The following PRX variants were observed in gnomAD, a reference collection of about 807,000 sequenced individuals.
PRX encodes periaxin.
Under a neutral mutation model 29.6 loss-of-function variants are expected in PRX, and 24 were observed. That is an observed-to-expected ratio of 0.81 (90% CI 0.59 to 1.14). PRX has a LOEUF of 1.14. Among genes scored for constraint, PRX ranks in the 50% most tolerant of loss-of-function variants. The pLI is 0.00. For synonymous variants in PRX, 772 were observed against 831.7 expected, an observed-to-expected ratio of 0.93 and a Z score of 1.24; for missense variants, 1,838 against 1,926.4, an observed-to-expected ratio of 0.95 and a Z score of 0.86.
Position 40,399,686 on chromosome 19 carries a change from A to G in PRX, c.185-870T>C, listed in dbSNP as rs532356508. 6.6e-5 allele frequency among the ~76,000 whole-genome samples: 10 copies of G among 152,202 alleles called. No homozygotes were observed. In the South Asian group the frequency reaches 1.9e-3, roughly 28 times the overall value. The stretch of plus-strand genomic sequence containing the variant: ...CTCTGGGAGTTCCTTGTCAGTCTCC[A>G]TAGATGTTTGCTTTCCCTCTCCCTG... On this transcript the variant is annotated intron_variant, in intron 5 of 6. Transcript: ENST00000324001.
chr19:40,410,862 C>T (rs1301779353), intron 1 of PRX, among the ~76,000 whole-genome samples: 1 of 152,126 alleles, frequency 6.6e-6, no homozygotes, highest in Non-Finnish European at 1.5e-5. Flanking sequence ...TAGAGCGAGA[C>T]TCCATCTCAA....
At position 40,398,027 on chromosome 19, in the gene PRX, C is replaced by A; in HGVS notation, c.382-57G>T. 6.4e-7 allele frequency: 1 copy of A among 1,554,614 alleles called. No individual in the cohort carries two copies. Among genetic ancestry groups the A allele is most frequent in the Non-Finnish European group, 8.7e-7 (1 of 1,149,872 alleles). ...GGGACAGTGGGAGGCTGGGAGTGGA[C>A]AGGAAGAGCCCCACCTGGTATTGGA... On this transcript the variant is annotated intron_variant, in intron 6 of 6. Transcript: ENST00000324001. This position sits in a 1 kb window ranked among gnomAD's most constrained non-coding sequence, Gnocchi z 6.3.
Position 40,403,724 on chromosome 19 carries a change from T to C in PRX, c.166A>G (p.Ser56Gly). 1.3e-6 allele frequency: 2 copies of C among 1,562,986 alleles called. No individual in the cohort carries two copies. The highest frequency in any genetic ancestry group is 1.7e-6 in the Non-Finnish European group (2 of 1,154,580). The change falls in exon 5 of 7, where the codon AGC becomes GGC. Residue 56 changes from serine (S) to glycine (G), a missense_variant. Physicochemically the swap from Ser to Gly is moderately conservative, Grantham distance 56. Coordinates refer to ENST00000324001, the MANE Select transcript of PRX (RefSeq NM_181882.3). ...CGCCCACCTTCCTGCAGGCTGAGGC[T>C]CCTGGCGGCGGGTGAGTCCTCGCGC... ...ELREDSPAAR[S>G]LSLQEGDQLL...
At chr19:40,413,613 G>T (rs1477487878), upstream of PRX, among the ~76,000 whole-genome samples, 1 of 152,158 alleles carries the variant, frequency 6.6e-6, no homozygotes, top group Non-Finnish European at 1.5e-5. Flanking sequence ...TCAAGGATTT[G>T]CACGTTGGCT....
Position 40,406,076 on chromosome 19 carries a change from A to G in PRX, c.27+1830T>C, listed in dbSNP as rs544367611. Among the ~76,000 whole-genome samples, 12 of 151,718 alleles carry G rather than the reference A, an allele frequency of 7.9e-5. No individual in the cohort carries two copies. In the East Asian group the frequency reaches 1.6e-3, roughly 20 times the overall value. Reference sequence around the variant, plus strand: ...AGCCTGGCCAACATGGCGAAACTCCATCTCTACTAAAAGTCCTAAAATTAG... The same window carrying G: ...AGCCTGGCCAACATGGCGAAACTCCGTCTCTACTAAAAGTCCTAAAATTAG... On this transcript the variant is annotated intron_variant, in intron 4 of 6. Transcript: ENST00000324001.
chr19:40,401,457 G>A (rs1374485148), intron 5 of PRX, among the ~76,000 whole-genome samples: 1 of 152,058 alleles, frequency 6.6e-6, no homozygotes, highest in East Asian at 1.9e-4. Context: ...CCAATGCTTG[G>A]CCATACTCTA....
chr19:40,407,242 G>GTGTT (rs2079535802), intron 4 of PRX, among the ~76,000 whole-genome samples: 1 of 150,464 alleles, frequency 6.6e-6, no homozygotes, highest in Non-Finnish European at 1.5e-5. Flanking sequence ...GTGTGTGTGT[G>GTGTT]TGTGTGTGTG....
At position 40,398,428 on chromosome 19, in the gene PRX, G is replaced by A; in HGVS notation, c.381+192C>T. ...TCTCCGAGGTGGGTGAGGGCCCTGG[G>A]CTGGGGTGGGTCTGTCCCCCTTCCC... On this transcript the variant is annotated intron_variant, in intron 6 of 6. Transcript: ENST00000324001. This position sits in a 1 kb window ranked among gnomAD's most constrained non-coding sequence, Gnocchi z 6.3. 2 of 1,497,478 alleles carry A rather than the reference G, an allele frequency of 1.3e-6. No individual in the cohort carries two copies. Among genetic ancestry groups the A allele is most frequent in the Non-Finnish European group, 1.8e-6 (2 of 1,130,316 alleles). The allele number at this position is 1,497,478 out of a possible 1,614,324, so 92.8% of individuals were successfully genotyped here.
In PRX at chr19:40,397,344, G is replaced by A. The variant is rs956847298; in HGVS notation, c.1008C>T (p.Asp336=). The change falls in exon 7 of 7, where the codon GAC becomes GAT. Residue 336 remains aspartate, a synonymous_variant. Transcript: ENST00000324001. ...CCACCTCTGCACCCGGCAAGGCCAG[G>A]TCCACCCCCACAGTCGGTGCTGCCA... ...LDVAAPTVGV[D]LALPGAEVEA... 3.1e-6 allele frequency: 5 copies of A among 1,612,898 alleles called. No homozygotes were observed. The highest frequency in any genetic ancestry group is 4.2e-6 in the Non-Finnish European group (5 of 1,179,938).
At position 40,394,790 on chromosome 19, in the gene PRX, G is replaced by C. The variant is rs878855284; in HGVS notation, c.3562C>G (p.Pro1188Ala). 6.2e-7 allele frequency: 1 copy of C among 1,613,596 alleles called. No homozygotes were observed. Among genetic ancestry groups the C allele is most frequent in the Admixed American group, 1.7e-5 (1 of 60,018 alleles). Residue 1188 changes from proline (P) to alanine (A), a missense_variant, in exon 7 of 7, where the codon CCC becomes GCC. By Grantham distance (27) the Pro-to-Ala change is conservative. Coordinates refer to ENST00000324001, the MANE Select transcript of PRX (RefSeq NM_181882.3). This position sits in a 1 kb window ranked among gnomAD's most constrained non-coding sequence, Gnocchi z 5.8. Reference sequence around the variant, plus strand: ...CCAGGCAGAGACAGGGTCACCTGGGGCACCTGAACCCTGTAGCCTGCTGTG... The same window carrying C: ...CCAGGCAGAGACAGGGTCACCTGGGCCACCTGAACCCTGTAGCCTGCTGTG... Reference protein sequence around the residue: ...EGTAGYRVQVPQVTLSLPGAQ... With the variant: ...EGTAGYRVQVAQVTLSLPGAQ...
rs766519481 is a variant in PRX, at chr19:40,395,568, A to C, written c.2784T>G (p.Ser928=). 6.2e-7 allele frequency: 1 copy of C among 1,614,044 alleles called. No individual in the cohort carries two copies. Among genetic ancestry groups the C allele is most frequent in the Non-Finnish European group, 8.5e-7 (1 of 1,180,024 alleles). Residue 928 remains serine, a synonymous_variant, in exon 7 of 7, where the codon TCT becomes TCG. Coordinates refer to ENST00000324001, the MANE Select transcript of PRX (RefSeq NM_181882.3). The part of the protein sequence containing the change: ...LEMIETKVKP[S]SKFSLPKFGL... ...CAAACTTAGGTAAGGAGAACTTGGA[A>C]GAGGGCTTGACTTTTGTCTCTATCA...
rs1156239369 is a variant in PRX at position 40,397,805 on chromosome 19, G to A, written c.547C>T (p.Pro183Ser). 4 of 1,582,312 alleles carry A rather than the reference G, an allele frequency of 2.5e-6. No individual in the cohort carries two copies. Among genetic ancestry groups the A allele is most frequent in the African/African-American group, 1.3e-5 (1 of 74,790 alleles). The change falls in exon 7 of 7, where the codon CCT (proline) becomes TCT (serine). Residue 183 changes from proline (P) to serine (S), a missense_variant. Around this residue, in one of 3 missense-constraint regions of PRX, gnomAD observed 666 missense variants for 665.0 expected, o/e 1.00. Coordinates refer to ENST00000324001, the MANE Select transcript of PRX (RefSeq NM_181882.3). ...GGCAGCTGGAGGCGCCGGCGGGCAG[G>A]GGCAGCCGGGACAGGACCCTTGACA... ...EAVKGPVPAAPARRRLQLPRL... is the reference protein window; with the variant it reads ...EAVKGPVPAASARRRLQLPRL...
chr19:40,398,656 G>T lies in PRX; in HGVS notation c.345C>A (p.Tyr115Ter). 1 of 1,613,870 alleles carries T rather than the reference G, an allele frequency of 6.2e-7. No individual in the cohort carries two copies. The highest frequency in any genetic ancestry group is 8.5e-7 in the Non-Finnish European group (1 of 1,179,900). The part of the protein sequence containing the change: ...LALRPGTVSG[Y>*]EIKGPRAKVA... ...CCTTGGCCCGCGGGCCCTTGATCTC[G>T]TAGCCAGACACGGTCCCGGGCCGCA... is the stretch of plus-strand genomic sequence containing the variant. Residue 115 changes from tyrosine to a stop codon, truncating the protein, a stop_gained, in exon 6 of 7, where the codon TAC becomes TAA. Coordinates refer to ENST00000324001, the MANE Select transcript of PRX (RefSeq NM_181882.3). LOFTEE classifies it low-confidence loss of function (END_TRUNC). The surrounding 1 kb of genome is among the most constrained non-coding windows in gnomAD (Gnocchi z 6.3).
In PRX at chr19:40,395,934, C is replaced by T. The variant is rs2079430313; in HGVS notation, c.2418G>A (p.Met806Ile). The T allele has an allele frequency of 1.2e-6, 2 of 1,614,188 alleles. No individual in the cohort carries two copies. Among genetic ancestry groups the T allele is most frequent in the Non-Finnish European group, 1.7e-6 (2 of 1,180,038 alleles). ...EFGFKMPKMTMPKLGRAESPS... is the reference protein window; with the variant it reads ...EFGFKMPKMTIPKLGRAESPS... ...GGGACTCTGCCCTCCCTAGCTTGGGCATGGTCATCTTGGGCATCTTGAAGC... is the reference window on the plus strand; with the variant it reads ...GGGACTCTGCCCTCCCTAGCTTGGGTATGGTCATCTTGGGCATCTTGAAGC... The change falls in exon 7 of 7, where the codon ATG (methionine) becomes ATA (isoleucine). Residue 806 changes from methionine (M) to isoleucine (I), a missense_variant. Transcript: ENST00000324001.
chr19:40,403,869 AG>A lies in PRX; in HGVS notation c.28-8del. The A allele has an allele frequency of 6.2e-7, 1 of 1,606,708 alleles. No individual in the cohort carries two copies. Among genetic ancestry groups the A allele is most frequent in the South Asian group, 1.1e-5 (1 of 90,546 alleles). On this transcript the variant is annotated splice_region_variant and splice_polypyrimidine_tract_variant and intron_variant, in intron 4 of 6. Coordinates refer to ENST00000324001, the MANE Select transcript of PRX (RefSeq NM_181882.3). The stretch of plus-strand genomic sequence containing the variant: ...ACTCCGCCCGCCTCAGCTCCTGCAG[AG>A]GGCGGCGAGGTGTCGCGTTGGGGCT...
Position 40,394,219 on chromosome 19 carries a change from A to G in PRX, c.4133T>C (p.Leu1378Ser). 1.3e-6 allele frequency: 2 copies of G among 1,598,550 alleles called. No homozygotes were observed. The highest frequency in any genetic ancestry group is 1.7e-6 in the Non-Finnish European group (2 of 1,169,708). The change falls in exon 7 of 7, where the codon TTG (leucine) becomes TCG (serine). Residue 1378 changes from leucine to serine, a missense_variant. This residue lies in a region of PRX where 1,143 missense variants were observed against 1,193.0 expected (regional missense o/e 0.96). Transcript: ENST00000324001. This position sits in a 1 kb window ranked among gnomAD's most constrained non-coding sequence, Gnocchi z 5.8. Reference protein sequence around the residue: ...SGRRGRVRVRLPRVGLAAPSK... With the variant: ...SGRRGRVRVRSPRVGLAAPSK... ...AGGGGCCGCCAGGCCTACACGTGGC[A>G]AGCGGACCCGGACCCGGCCCCGGCG...
At chr19:40,409,687 G>T (rs1421551102) in intron 1 of PRX, among the ~76,000 whole-genome samples, 1 of 151,884 alleles carries the variant, frequency 6.6e-6, no homozygotes, top group Non-Finnish European at 1.5e-5. Context: ...TGGCAGGCTG[G>T]TCTGGAACTC....
rs1296150158 is a variant in PRX, at chr19:40,394,153, T to C, written c.4199A>G (p.Lys1400Arg). 1.3e-6 allele frequency: 2 copies of C among 1,593,272 alleles called. No individual in the cohort carries two copies. Among genetic ancestry groups the C allele is most frequent in the East Asian group, 4.5e-5 (2 of 44,500 alleles). Residue 1400 changes from lysine (K) to arginine (R), a missense_variant, in exon 7 of 7, where the codon AAG (lysine) becomes AGG (arginine). Around this residue, in one of 3 missense-constraint regions of PRX, gnomAD observed 1,143 missense variants for 1,193.0 expected, o/e 0.96. Transcript: ENST00000324001. The surrounding 1 kb of genome is among the most constrained non-coding windows in gnomAD (Gnocchi z 5.8). ...SRGQEGDAAPKSPVREKSPKF... is the reference protein window; with the variant it reads ...SRGQEGDAAPRSPVREKSPKF... ...GGGTGACTTCTCTCTGACGGGGGAC[T>C]TGGGGGCTGCATCGCCCTCCTGCCC...
rs1039467444 is a variant in PRX, at chr19:40,408,202, G to C, written c.-144C>G. Reference sequence around the variant, plus strand: ...CTTCCTCCTAACAGGAGCCCAGCCCGAGGTGCCGCACAGCTGTCTGCAGGG... The same window carrying C: ...CTTCCTCCTAACAGGAGCCCAGCCCCAGGTGCCGCACAGCTGTCTGCAGGG... On this transcript the variant is annotated 5_prime_UTR_variant, in exon 3 of 7. Transcript: ENST00000324001. 3 of 580,522 alleles carry C rather than the reference G, an allele frequency of 5.2e-6. No individual in the cohort carries two copies. The highest frequency in any genetic ancestry group is 2.0e-5 in the South Asian group (1 of 49,788). 36.0% of individuals were successfully genotyped at this position (580,522 alleles called of 1,614,324 possible).
Sources: gnomAD v4.1 joint callset for allele counts (sites outside exome capture counted in the v4.1 genomes callset) on GRCh38, gnomAD v4.1.1 for gene constraint, gnomAD v4.1.1 regional missense constraint, Gnocchi (gnomAD v3.1) non-coding constraint, MANE v1.5 for transcripts, NCBI Gene and HGNC (gene_info 2026-07-23, HGNC 2026-07-21) for gene names.